ZNF385D: variants seen among roughly 807,000 people sequenced by gnomAD.
The protein encoded by ZNF385D is zinc finger protein 659.
A neutral mutation model predicts 35.8 loss-of-function variants in ZNF385D; 15 were observed. The ratio of observed to expected loss-of-function variants is 0.42; its 90% CI spans 0.28 to 0.64. The LOEUF (loss-of-function observed/expected upper bound fraction) is 0.64, where lower values mean the gene tolerates loss of function less well. Among genes scored for constraint, ZNF385D ranks in the 30% least tolerant of loss-of-function variants. The pLI, the probability that ZNF385D is intolerant of heterozygous loss-of-function variation, is 0.23. For synonymous variants in ZNF385D, 212 were observed against 186.8 expected (o/e 1.13, Z -1.10); for missense variants, 474 against 494.6 (o/e 0.96, Z 0.39).
intron 3 of ZNF385D, among the ~76,000 whole-genome samples, chr3:22,065,088 T>C (rs1699869546): frequency 6.6e-6 from 1 of 152,190 alleles, no homozygotes. Context: ...AGTTAGCCTT[T>C]CCTGGCTTTG....
At position 22,068,345 on chromosome 3, in the gene ZNF385D, C is replaced by A. The variant is rs115875050; in HGVS notation, c.325+100472G>T. On this transcript the variant is annotated intron_variant, in intron 3 of 5. Transcript: ENST00000494108. ...TTCCAGCTTAACACTCTGAGCTACA[C>A]TTTACCGCCTGTCCCTTCATGAGCA... is the stretch of plus-strand genomic sequence containing the variant. Among the ~76,000 whole-genome samples, 1,153 of 152,256 alleles carry A rather than the reference C, an allele frequency of 7.6e-3. 12 individuals are homozygous for A. Among genetic ancestry groups the A allele is most frequent in the African/African-American group, 0.026 (1,075 of 41,544 alleles).
intron 3 of ZNF385D, among the ~76,000 whole-genome samples, chr3:21,553,270 G>A (rs2062625362): frequency 6.6e-6 from 1 of 152,082 alleles, no homozygotes; most frequent in African/African-American, 2.4e-5. Context: ...ATTGCAATTT[G>A]GTTCCAGATG....
At chr3:22,147,312 C>A (rs1005519921) in intron 3 of ZNF385D, among the ~76,000 whole-genome samples, 1 of 152,098 alleles carries the variant, frequency 6.6e-6, no homozygotes, top group African/African-American at 2.4e-5. Flanking sequence ...GGGATTGATG[C>A]CAGTTCCAAC....
chr3:21,792,634 A>C (rs2071977225), intron 3 of ZNF385D, among the ~76,000 whole-genome samples: 1 of 152,148 alleles, frequency 6.6e-6, no homozygotes, highest in African/African-American at 2.4e-5. Flanking sequence ...AACCCGAAGC[A>C]GATGTCCAGG....
chr3:21,823,492 T>C (rs1324482248), intron 3 of ZNF385D, among the ~76,000 whole-genome samples: 2 of 151,346 alleles, frequency 1.3e-5, no homozygotes, highest in African/African-American at 4.9e-5. Flanking sequence ...ACCGTGTATA[T>C]AGTATATAAA....
intron 4 of ZNF385D, among the ~76,000 whole-genome samples, chr3:21,477,054 T>C (rs1704295294): frequency 6.6e-6 from 1 of 152,172 alleles, no homozygotes. Context: ...TCTTCCTTTC[T>C]TGTGCCTAAT....
At chr3:21,848,756 C>T (rs1040833307) in intron 3 of ZNF385D, among the ~76,000 whole-genome samples, 1 of 152,010 alleles carries the variant, frequency 6.6e-6, no homozygotes, top group East Asian at 1.9e-4. Context: ...AGCCTCCCAA[C>T]AAAGAAAAGT....
intron 3 of ZNF385D, among the ~76,000 whole-genome samples, chr3:22,125,583 A>G (rs73047026): frequency 0.23 from 34,400 of 151,854 alleles, 4,519 homozygotes; most frequent in East Asian, 0.41. Context: ...TTCCATTTTT[A>G]TGTGTCATCC....
At chr3:21,498,592 A>G (rs574564304) in intron 4 of ZNF385D, among the ~76,000 whole-genome samples, 22 of 149,282 alleles carry the variant, frequency 1.5e-4, no homozygotes, top group African/African-American at 4.7e-4. Context: ...GGCCAAAAAC[A>G]TAGGAAAAAA....
chr3:21,487,808 T>C (rs1705146182), intron 4 of ZNF385D, among the ~76,000 whole-genome samples: 1 of 152,234 alleles, frequency 6.6e-6, no homozygotes, highest in Admixed American at 6.6e-5. Context: ...CTTTGTATTA[T>C]ATCTTTATTC....
intron 2 of ZNF385D, among the ~76,000 whole-genome samples, chr3:22,199,752 G>A (rs1241519663): frequency 6.6e-6 from 1 of 152,036 alleles, no homozygotes; most frequent in East Asian, 1.9e-4. Context: ...ATGAGGTATG[G>A]CTAACTGTAA....
intron 3 of ZNF385D, among the ~76,000 whole-genome samples, chr3:21,759,693 T>A (rs985781220): frequency 6.6e-6 from 1 of 152,104 alleles, no homozygotes; most frequent in African/African-American, 2.4e-5. Flanking sequence ...TATTTCAGAA[T>A]CAGCCCTCCC....
chr3:21,931,365 C>T (rs1009364679), intron 3 of ZNF385D, among the ~76,000 whole-genome samples: 1 of 152,168 alleles, frequency 6.6e-6, no homozygotes, highest in Non-Finnish European at 1.5e-5. Context: ...ATGGTATGAT[C>T]ACCTCAGAAA....
At chr3:22,111,469 G>C (rs1341801198) in intron 3 of ZNF385D, among the ~76,000 whole-genome samples, 1 of 152,050 alleles carries the variant, frequency 6.6e-6, no homozygotes, top group Non-Finnish European at 1.5e-5. Flanking sequence ...TACGCACATG[G>C]TGACGCGATC....
chr3:21,747,456 C>A (rs542874358), intron 1 of ZNF385D, among the ~76,000 whole-genome samples: 1 of 152,190 alleles, frequency 6.6e-6, no homozygotes, highest in Non-Finnish European at 1.5e-5. Context: ...ATTTCTTCAG[C>A]ACAATCAGCC....
intron 5 of ZNF385D, among the ~76,000 whole-genome samples, chr3:21,429,677 TA>T (rs759012295): frequency 1.2e-4 from 18 of 152,142 alleles, no homozygotes; most frequent in Non-Finnish European, 2.1e-4. Flanking sequence ...GGGTTTACTT[TA>T]TAGGGAAATC....
At chr3:21,711,039 GTT>G (rs869252663) in intron 1 of ZNF385D, among the ~76,000 whole-genome samples, 14 of 83,134 alleles carry the variant, frequency 1.7e-4, no homozygotes, top group African/African-American at 5.1e-4. Flanking sequence ...CCCTCTAAAA[GTT>G]TTTTTTTTTT....
chr3:21,757,381 G>A (rs1322703957), intron 3 of ZNF385D, among the ~76,000 whole-genome samples: 1 of 152,074 alleles, frequency 6.6e-6, no homozygotes, highest in African/African-American at 2.4e-5. Context: ...GACCTCAGGT[G>A]ATCTGACCAC....
chr3:22,035,344 T>C (rs1022872103), intron 3 of ZNF385D, among the ~76,000 whole-genome samples: 2 of 152,194 alleles, frequency 1.3e-5, no homozygotes. Context: ...CAATATCTTC[T>C]CCTGTCTTTT....
Sources: allele counts gnomAD v4.1 joint callset (sites outside exome capture counted in the v4.1 genomes callset), GRCh38; gene constraint gnomAD v4.1.1; transcripts MANE v1.5; gene names NCBI Gene and HGNC (gene_info 2026-07-23, HGNC 2026-07-21).